The following RFX4 variants were observed in gnomAD, a reference collection of about 807,000 sequenced individuals.
The protein encoded by RFX4 is transcription factor RFX4.
A neutral mutation model predicts 95.0 loss-of-function variants in RFX4; 10 were observed. The ratio of observed to expected loss-of-function variants is 0.11; its 90% CI spans 0.06 to 0.18. The LOEUF is 0.18. Among genes scored for constraint, RFX4 ranks in the 10% least tolerant of loss-of-function variants. RFX4 has a pLI of 1.00. For synonymous variants in RFX4, 321 were observed against 340.7 expected, an observed-to-expected ratio of 0.94 and a Z score of 0.64; for missense variants, 640 against 922.0, an observed-to-expected ratio of 0.69 and a Z score of 3.96.
At chr12:106,603,985 A>C (rs1414713830) in intron 1 of RFX4, among the ~76,000 whole-genome samples, 2 of 152,106 alleles carry the variant, frequency 1.3e-5, no homozygotes, top group Non-Finnish European at 2.9e-5. Context: ...ACTGGGTGTG[A>C]GATGATGGAC....
At chr12:106,761,072 T>C in intron 17 of RFX4, 125 bp from the exon 18 acceptor site, 1 of 1,049,320 alleles carries the variant, frequency 9.5e-7, no homozygotes, top group Non-Finnish European at 1.4e-6. Context: ...TCAGTGATTC[T>C]TCTCCATCAA....
At chr12:106,760,810 C>A (rs1434361053) in intron 17 of RFX4, among the ~76,000 whole-genome samples, 1 of 152,160 alleles carries the variant, frequency 6.6e-6, no homozygotes, top group Non-Finnish European at 1.5e-5. Flanking sequence ...TCACTACCAT[C>A]CATCTGTACA....
chr12:106,619,874 A>G (rs1225601731), intron 2 of RFX4, among the ~76,000 whole-genome samples: 4 of 152,202 alleles, frequency 2.6e-5, no homozygotes, highest in Admixed American at 6.5e-5. Flanking sequence ...AAGCCCATCC[A>G]AGTGATCTTA....
rs556580424 is a variant in RFX4, at chr12:106,689,969, T to C, written c.669+605T>C. On this transcript the variant is annotated intron_variant, in intron 7 of 17. Coordinates refer to ENST00000392842, the MANE Select transcript of RFX4 (RefSeq NM_213594.3). ...AACAATAACCAATAATAAAGTTATA[T>C]AACTTTATTATTTTTTGAGGGAAGA... Among the ~76,000 whole-genome samples, 4 of 152,226 alleles carry C rather than the reference T, an allele frequency of 2.6e-5. No individual in the cohort carries two copies. In the East Asian group the frequency reaches 7.7e-4, roughly 29 times the overall value.
intron 4 of RFX4, among the ~76,000 whole-genome samples, chr12:106,675,024 T>C (rs955404979): frequency 4.6e-5 from 7 of 152,116 alleles, no homozygotes; most frequent in African/African-American, 1.7e-4. Context: ...TCTATGGGAG[T>C]GGCGGAGTTG....
intron 17 of RFX4, among the ~76,000 whole-genome samples, chr12:106,757,547 CAAAAAAA>C (rs559762867): frequency 1.8e-5 from 1 of 56,596 alleles, no homozygotes; most frequent in African/African-American, 6.6e-5. Context: ...GACCCTGTCT[CAAAAAAA>C]AAAAAAAAAA....
At chr12:106,594,063 T>C (rs2039581918) in intron 1 of RFX4, among the ~76,000 whole-genome samples, 1 of 152,222 alleles carries the variant, frequency 6.6e-6, no homozygotes, top group African/African-American at 2.4e-5. Flanking sequence ...ATCAACACAG[T>C]TTGCTTCCTC....
chr12:106,635,609 G>A (rs1042433902), intron 2 of RFX4, among the ~76,000 whole-genome samples: 5 of 152,164 alleles, frequency 3.3e-5, no homozygotes, highest in African/African-American at 1.2e-4. Flanking sequence ...TACCATGCCC[G>A]GTCCCATGTT....
At chr12:106,684,928 G>T (rs2041609139) in intron 5 of RFX4, 1 of 1,613,386 alleles carries the variant, frequency 6.2e-7, no homozygotes, top group Non-Finnish European at 8.5e-7. Flanking sequence ...GTAAAGGAGG[G>T]TTGGGGAGAG....
At chr12:106,725,289 C>G (rs747290729) in intron 13 of RFX4, among the ~76,000 whole-genome samples, 91 of 152,106 alleles carry the variant, frequency 6.0e-4, no homozygotes, top group Non-Finnish European at 2.2e-4. Flanking sequence ...CCCAAGCCTA[C>G]CATGAGTCAA....
intron 2 of RFX4, among the ~76,000 whole-genome samples, chr12:106,634,570 T>G (rs910205182): frequency 2.6e-5 from 4 of 152,174 alleles, no homozygotes; most frequent in African/African-American, 9.7e-5. Context: ...ATTAGATTGT[T>G]AAACATCACA....
chr12:106,719,697 T>G (rs1029929284), intron 11 of RFX4, among the ~76,000 whole-genome samples: 1 of 151,908 alleles, frequency 6.6e-6, no homozygotes, highest in African/African-American at 2.4e-5. Context: ...AGACTAAGGC[T>G]ATGAAAAAAG....
At chr12:106,594,933 G>A (rs2039597389) in intron 1 of RFX4, among the ~76,000 whole-genome samples, 1 of 152,172 alleles carries the variant, frequency 6.6e-6, no homozygotes, top group Non-Finnish European at 1.5e-5. Flanking sequence ...GGGAGGCAAG[G>A]AAGAGACCCC....
At chr12:106,747,728 G>A in intron 16 of RFX4, 129 bp downstream of exon 16, 3 of 972,758 alleles carry the variant, frequency 3.1e-6, no homozygotes, top group Non-Finnish European at 4.5e-6. Context: ...AGGAGTTCGA[G>A]ACCAGCCTGG....
At chr12:106,598,643 G>A (rs1347840555) in intron 1 of RFX4, among the ~76,000 whole-genome samples, 5 of 152,146 alleles carry the variant, frequency 3.3e-5, no homozygotes, top group Non-Finnish European at 5.9e-5. Context: ...GTTCAGGCTG[G>A]GTTAAAATCT....
At chr12:106,650,892 T>G (rs2137310913) in intron 3 of RFX4, among the ~76,000 whole-genome samples, 1 of 152,308 alleles carries the variant, frequency 6.6e-6, no homozygotes, top group East Asian at 1.9e-4. Context: ...ATTATTATTA[T>G]TATCATCATT....
chr12:106,709,427 G>A lies in RFX4; in HGVS notation c.931G>A (p.Glu311Lys), dbSNP rs747112858. Residue 311 changes from glutamate to lysine, a missense_variant, in exon 9 of 18, where the codon GAA becomes AAA. By Grantham distance (56) the Glu-to-Lys change is moderately conservative (BLOSUM62 1). Around this residue, in one of 7 missense-constraint regions of RFX4, gnomAD observed 96 missense variants for 183.7 expected, o/e 0.52. Coordinates refer to ENST00000392842, the MANE Select transcript of RFX4 (RefSeq NM_213594.3). Reference protein sequence around the residue: ...LPENLRNIKFELSRRFSQILR... With the variant: ...LPENLRNIKFKLSRRFSQILR... ...AGAAAACTTGCGAAACATCAAGTTCGAATGTAAGTACTGAGTTGAGAGCGG... is the reference window on the plus strand; with the variant it reads ...AGAAAACTTGCGAAACATCAAGTTCAAATGTAAGTACTGAGTTGAGAGCGG... The A allele has an allele frequency of 3.7e-6, 6 of 1,610,652 alleles. No individual in the cohort carries two copies. The highest frequency in any genetic ancestry group is 2.7e-5 in the African/African-American group (2 of 74,698).
chr12:106,698,794 T>A (rs2041933532), intron 8 of RFX4, among the ~76,000 whole-genome samples: 1 of 152,102 alleles, frequency 6.6e-6, no homozygotes. Context: ...GTAGGTAATT[T>A]GTGTTTTCTT....
chr12:106,754,844 CT>C (rs1484187298), intron 17 of RFX4, among the ~76,000 whole-genome samples: 1 of 152,170 alleles, frequency 6.6e-6, no homozygotes, highest in African/African-American at 2.4e-5. Context: ...TGACACTCCC[CT>C]CAATATACAC....
Sources: gnomAD v4.1 joint callset for allele counts (sites outside exome capture counted in the v4.1 genomes callset) on GRCh38, gnomAD v4.1.1 for gene constraint, gnomAD v4.1.1 regional missense constraint, MANE v1.5 for transcripts, NCBI Gene and HGNC (gene_info 2026-07-23, HGNC 2026-07-21) for gene names.